Variants in ANO10 observed in about 807,000 individuals in gnomAD.
The protein encoded by ANO10 is anoctamin-10.
In ANO10, 77 loss-of-function variants were observed where a neutral mutation model predicts 74.7. The ratio of observed to expected loss-of-function variants is 1.03; its 90% CI spans 0.86 to 1.25. The LOEUF (loss-of-function observed/expected upper bound fraction) is 1.25. Ranked by LOEUF, ANO10 falls within the 50% of genes most tolerant of loss-of-function variation. The pLI is 0.00. For synonymous variants in ANO10, 279 were observed against 284.9 expected (o/e 0.98, Z 0.21); for missense variants, 721 against 778.1 (o/e 0.93, Z 0.87).
rs558777421 is a variant in ANO10 at position 43,567,709 on chromosome 3, G to A, written c.1219-1982C>T. The stretch of plus-strand genomic sequence containing the variant: ...CACTAAACATGGAAAGGAACAACTG[G>A]TACCAGCCACTGCAAAATCATGCCA... On this transcript the variant is annotated intron_variant, in intron 7 of 12. Coordinates refer to ENST00000292246, the MANE Select transcript of ANO10 (RefSeq NM_018075.5). Among the ~76,000 whole-genome samples the A allele has an allele frequency of 6.4e-3, 972 of 151,970 alleles. 40 individuals are homozygous for A. The highest frequency in any genetic ancestry group is 0.059 in the Admixed American group (900 of 15,272).
At chr3:43,690,315 A>G (rs1021282003) in intron 1 of ANO10, 1 of 152,262 alleles carries the variant, frequency 6.6e-6, no homozygotes, top group African/African-American at 2.4e-5. Context: ...TTGGCCGCCC[A>G]AAGTGCTGGG....
intron 11 of ANO10, among the ~76,000 whole-genome samples, chr3:43,435,103 T>A (rs949544287): frequency 6.6e-6 from 1 of 152,212 alleles, no homozygotes; most frequent in Non-Finnish European, 1.5e-5. Flanking sequence ...CCTGCCACGC[T>A]CCTAAACTCA....
intron 12 of ANO10, among the ~76,000 whole-genome samples, chr3:43,386,414 G>T (rs1213857621): frequency 6.6e-6 from 1 of 151,662 alleles, no homozygotes; most frequent in East Asian, 1.9e-4. Flanking sequence ...AGGGAAGGAA[G>T]GAAAGACATC....
intron 11 of ANO10, among the ~76,000 whole-genome samples, chr3:43,510,367 G>A (rs898388849): frequency 1.3e-5 from 2 of 148,914 alleles, no homozygotes; most frequent in Non-Finnish European, 3.0e-5. Flanking sequence ...GGAGGCAGAA[G>A]TTGCAGTGAG....
intron 11 of ANO10, among the ~76,000 whole-genome samples, chr3:43,527,872 T>A (rs970147426): frequency 6.6e-6 from 1 of 152,052 alleles, no homozygotes; most frequent in African/African-American, 2.4e-5. Context: ...TGCTTGAAAA[T>A]GCACAGAATC....
intron 1 of ANO10, among the ~76,000 whole-genome samples, chr3:43,655,881 G>A (rs1290830107): frequency 3.1e-5 from 3 of 96,414 alleles, no homozygotes; most frequent in Non-Finnish European, 6.5e-5. Context: ...TAGATACAGT[G>A]TCCATTGGTG....
chr3:43,671,880 C>A (rs2084063396), intron 1 of ANO10, among the ~76,000 whole-genome samples: 1 of 152,130 alleles, frequency 6.6e-6, no homozygotes, highest in Admixed American at 6.5e-5. Flanking sequence ...CTAAGCAACA[C>A]CTTCAAATCT....
intron 11 of ANO10, among the ~76,000 whole-genome samples, chr3:43,543,666 C>T (rs1360689456): frequency 6.6e-6 from 1 of 152,198 alleles, no homozygotes; most frequent in African/African-American, 2.4e-5. Flanking sequence ...GGATTACAGG[C>T]GTGAGCTACT....
At chr3:43,489,026 T>C (rs1257215494) in intron 11 of ANO10, among the ~76,000 whole-genome samples, 1 of 151,812 alleles carries the variant, frequency 6.6e-6, no homozygotes, top group Non-Finnish European at 1.5e-5. Flanking sequence ...TGTAGGGACA[T>C]GGATGAAATT....
chr3:43,652,869 T>C (rs1006831107), intron 1 of ANO10: 3 of 151,934 alleles, frequency 2.0e-5, no homozygotes, highest in Non-Finnish European at 4.4e-5. Context: ...ATAGTGTTAA[T>C]AACATCATTA....
intron 11 of ANO10, among the ~76,000 whole-genome samples, chr3:43,440,775 T>C (rs992613881): frequency 4.6e-5 from 7 of 152,068 alleles, no homozygotes; most frequent in African/African-American, 1.4e-4. Flanking sequence ...ATATAAAAGA[T>C]TCTCCAGTAC....
intron 11 of ANO10, among the ~76,000 whole-genome samples, chr3:43,549,460 C>T (rs527425519): frequency 1.3e-5 from 2 of 152,238 alleles, no homozygotes; most frequent in South Asian, 4.1e-4. Flanking sequence ...GATTTACCTA[C>T]TTAGCACTGG....
chr3:43,382,518 C>CAA (rs71616090), intron 12 of ANO10, among the ~76,000 whole-genome samples: 3 of 92,764 alleles, frequency 3.2e-5, no homozygotes, highest in East Asian at 3.7e-4. Flanking sequence ...GACTCCGTCT[C>CAA]AAAAAAAAAA....
intron 1 of ANO10, among the ~76,000 whole-genome samples, chr3:43,627,327 C>A (rs1275073924): frequency 6.6e-6 from 1 of 152,250 alleles, no homozygotes; most frequent in Non-Finnish European, 1.5e-5. Flanking sequence ...CAGCTCTGGG[C>A]TGGACATCTT....
At position 43,521,818 on chromosome 3, in the gene ANO10, G is replaced by A. The variant is rs77112089; in HGVS notation, c.1797+27902C>T. ...TATATACTCACAAGAATTGAAAGCAGGGACTCAGATATTTGTATGCCAATA... is the reference window on the plus strand; with the variant it reads ...TATATACTCACAAGAATTGAAAGCAAGGACTCAGATATTTGTATGCCAATA... On this transcript the variant is annotated intron_variant, in intron 11 of 12. Coordinates refer to ENST00000292246, the MANE Select transcript of ANO10 (RefSeq NM_018075.5). Among the ~76,000 whole-genome samples the A allele has an allele frequency of 5.3e-3, 814 of 152,220 alleles. 8 individuals carry two copies. Among genetic ancestry groups the A allele is most frequent in the African/African-American group, 0.018 (759 of 41,528 alleles).
intron 1 of ANO10, among the ~76,000 whole-genome samples, chr3:43,628,662 G>A (rs984002549): frequency 1.3e-5 from 2 of 152,114 alleles, no homozygotes; most frequent in Non-Finnish European, 1.5e-5. Context: ...TTCTCAGCAA[G>A]AAACATCCCT....
intron 11 of ANO10, among the ~76,000 whole-genome samples, chr3:43,449,681 C>T (rs2074765500): frequency 6.6e-6 from 1 of 152,084 alleles, no homozygotes. Flanking sequence ...ACCACAATGT[C>T]TTCATTACTG....
chr3:43,405,931 T>C (rs1335731881), intron 12 of ANO10, among the ~76,000 whole-genome samples: 3 of 152,222 alleles, frequency 2.0e-5, no homozygotes, highest in Non-Finnish European at 4.4e-5. Flanking sequence ...ACAATTTTCC[T>C]TTAATTTACT....
chr3:43,448,671 T>C (rs2093283949), intron 11 of ANO10, among the ~76,000 whole-genome samples: 1 of 152,204 alleles, frequency 6.6e-6, no homozygotes, highest in South Asian at 2.1e-4. Flanking sequence ...TGCAGGTTTG[T>C]GTATGGACAT....
Sources: allele counts gnomAD v4.1 joint callset (sites outside exome capture counted in the v4.1 genomes callset), GRCh38; gene constraint gnomAD v4.1.1; transcripts MANE v1.5; gene names NCBI Gene and HGNC (gene_info 2026-07-23, HGNC 2026-07-21).